ANKS1B: variants seen among roughly 807,000 people sequenced by gnomAD.
ANKS1B encodes ankyrin repeat and sterile alpha motif domain containing 1B.
Under a neutral mutation model 148.3 loss-of-function variants are expected in ANKS1B, and 36 were observed. The observed-to-expected ratio is 0.24, with a 90% CI of 0.19 to 0.32. The LOEUF is 0.32. Ranked by LOEUF, ANKS1B falls within the 10% of genes least tolerant of loss-of-function variation. The pLI is 1.00. For missense variants in ANKS1B, 1,157 were observed against 1,542.6 expected (o/e 0.75, Z 4.19); for synonymous variants, 542 against 560.8 (o/e 0.97, Z 0.47).
chr12:99,058,090 A>G (rs1036755978), intron 16 of ANKS1B, among the ~76,000 whole-genome samples: 3 of 152,224 alleles, frequency 2.0e-5, no homozygotes, highest in Non-Finnish European at 4.4e-5. Flanking sequence ...CCTGTGGAAT[A>G]TAAATCAGAC....
intron 8 of ANKS1B, among the ~76,000 whole-genome samples, chr12:99,759,044 A>G (rs1235434961): frequency 6.6e-6 from 1 of 151,770 alleles, no homozygotes; most frequent in Non-Finnish European, 1.5e-5. Flanking sequence ...TCACTAGTTC[A>G]TTTTCTTTGT....
intron 10 of ANKS1B, among the ~76,000 whole-genome samples, chr12:99,477,214 C>T (rs1296797817): frequency 1.3e-5 from 2 of 152,208 alleles, no homozygotes; most frequent in East Asian, 3.9e-4. Context: ...GGCATAAATA[C>T]CAGGAAAGCG....
intron 9 of ANKS1B, among the ~76,000 whole-genome samples, chr12:99,512,920 C>T (rs1416167750): frequency 1.3e-5 from 2 of 151,568 alleles, no homozygotes; most frequent in Admixed American, 6.6e-5. Flanking sequence ...GAGAGGAGAC[C>T]GTCAGAAAGA....
chr12:99,020,982 T>A (rs1251889325), intron 17 of ANKS1B, among the ~76,000 whole-genome samples: 2 of 152,120 alleles, frequency 1.3e-5, no homozygotes, highest in African/African-American at 4.8e-5. Flanking sequence ...TCAGTGAATA[T>A]GAGCAGGAGA....
Position 99,984,292 on chromosome 12 carries a change from A to T in ANKS1B, c.-55T>A. On this transcript the variant is annotated 5_prime_UTR_variant, in exon 1 of 27. Transcript: ENST00000683438. ...TTGCCCCCCTCGGGTCCTCCTCCCCACCCACCCCCACTCCCCAAAATCCAG... is the reference window on the plus strand; with the variant it reads ...TTGCCCCCCTCGGGTCCTCCTCCCCTCCCACCCCCACTCCCCAAAATCCAG... The T allele has an allele frequency of 3.0e-6, 2 of 673,110 alleles. No homozygotes were observed. Among genetic ancestry groups the T allele is most frequent in the Non-Finnish European group, 4.1e-6 (2 of 489,310 alleles). The allele number at this position is 673,110 out of a possible 1,614,324, so 41.7% of individuals were successfully genotyped here.
chr12:99,829,554 G>A lies in ANKS1B; in HGVS notation c.135-4165C>T, dbSNP rs551558289. ...TAGTCCCAGCTACTCGGGAGGCTGA[G>A]GCAGGAGAATGGTGTGAACCTGGGA... On this transcript the variant is annotated intron_variant, in intron 1 of 26. Coordinates refer to ENST00000683438, the MANE Select transcript of ANKS1B (RefSeq NM_001352186.2). Among the ~76,000 whole-genome samples the A allele has an allele frequency of 7.2e-5, 11 of 152,304 alleles. 1 individual carries two copies. In the East Asian group the frequency reaches 1.4e-3, roughly 19 times the overall value.
At chr12:99,074,935 C>A (rs1307568405) in intron 16 of ANKS1B, among the ~76,000 whole-genome samples, 1 of 152,098 alleles carries the variant, frequency 6.6e-6, no homozygotes, top group East Asian at 1.9e-4. Context: ...ACAAATTAGT[C>A]AACAGGTGGT....
intron 17 of ANKS1B, among the ~76,000 whole-genome samples, chr12:98,997,644 G>A (rs2099930501): frequency 1.3e-5 from 2 of 152,054 alleles, no homozygotes; most frequent in Admixed American, 1.3e-4. Context: ...GCCTGCCTCG[G>A]CCTCTCAAAG....
At chr12:98,930,154 A>G (rs1388257590) in intron 17 of ANKS1B, among the ~76,000 whole-genome samples, 1 of 152,138 alleles carries the variant, frequency 6.6e-6, no homozygotes, top group African/African-American at 2.4e-5. Context: ...TCCAAAAAAT[A>G]TATGCAAATA....
At chr12:98,988,391 T>C (rs2099924668) in intron 17 of ANKS1B, among the ~76,000 whole-genome samples, 1 of 152,188 alleles carries the variant, frequency 6.6e-6, no homozygotes, top group South Asian at 2.1e-4. Flanking sequence ...TCACTTAACA[T>C]AATGTCCTTG....
chr12:99,575,183 C>T (rs931814552), intron 9 of ANKS1B, among the ~76,000 whole-genome samples: 7 of 152,052 alleles, frequency 4.6e-5, no homozygotes, highest in African/African-American at 1.7e-4. Context: ...ATCAGGCTAA[C>T]AGTGGTCATT....
intron 12 of ANKS1B, among the ~76,000 whole-genome samples, chr12:99,340,533 T>TTA (rs2089735155): frequency 6.6e-6 from 1 of 151,732 alleles, no homozygotes; most frequent in Non-Finnish European, 1.5e-5. Flanking sequence ...TATTTTTTAT[T>TTA]TATATATATG....
At chr12:99,906,733 T>C (rs1426286686) in intron 1 of ANKS1B, among the ~76,000 whole-genome samples, 1 of 152,242 alleles carries the variant, frequency 6.6e-6, no homozygotes, top group Non-Finnish European at 1.5e-5. Context: ...TTGGCACAAC[T>C]GCTTTTAAAA....
chr12:99,279,041 G>T (rs1372706997), intron 12 of ANKS1B, among the ~76,000 whole-genome samples: 2 of 151,966 alleles, frequency 1.3e-5, no homozygotes, highest in Non-Finnish European at 2.9e-5. Flanking sequence ...CCATTTTCAG[G>T]TCCCAGAATG....
intron 6 of ANKS1B, among the ~76,000 whole-genome samples, chr12:99,776,827 T>C (rs1303892332): frequency 1.3e-5 from 2 of 152,042 alleles, no homozygotes; most frequent in Admixed American, 6.5e-5. Flanking sequence ...ACTACAGATA[T>C]GTGCCACCAC....
chr12:98,830,845 C>A (rs4482076), intron 18 of ANKS1B, among the ~76,000 whole-genome samples: 1 of 151,782 alleles, frequency 6.6e-6, no homozygotes, highest in Admixed American at 6.6e-5. Context: ...AATCATCTTT[C>A]TCACTTCCTC....
intron 17 of ANKS1B, among the ~76,000 whole-genome samples, chr12:98,970,898 A>T (rs1306286946): frequency 6.6e-6 from 1 of 152,200 alleles, no homozygotes; most frequent in Non-Finnish European, 1.5e-5. Context: ...AGGATCTGTT[A>T]ATCCTCTGAA....
intron 11 of ANKS1B, among the ~76,000 whole-genome samples, chr12:99,425,054 G>C (rs1212034057): frequency 6.6e-6 from 1 of 151,952 alleles, no homozygotes. Flanking sequence ...CACCCCTGGA[G>C]TCTCTGAATC....
At chr12:99,130,419 A>G (rs1347900428) in intron 15 of ANKS1B, among the ~76,000 whole-genome samples, 1 of 152,122 alleles carries the variant, frequency 6.6e-6, no homozygotes, top group Non-Finnish European at 1.5e-5. Context: ...CTTAGGCTGA[A>G]TTCATCCTTA....
Sources: gnomAD v4.1 joint callset for allele counts (sites outside exome capture counted in the v4.1 genomes callset) on GRCh38, gnomAD v4.1.1 for gene constraint, MANE v1.5 for transcripts, NCBI Gene and HGNC (gene_info 2026-07-23, HGNC 2026-07-21) for gene names.